Variants in STEAP2 observed in about 807,000 individuals in gnomAD.
STEAP2 encodes metalloreductase STEAP2.
Under a neutral mutation model 46.4 loss-of-function variants are expected in STEAP2, and 30 were observed. The ratio of observed to expected loss-of-function variants is 0.65; its 90% CI spans 0.48 to 0.88. The LOEUF (loss-of-function observed/expected upper bound fraction) is 0.88. STEAP2 is among the 40% of genes least tolerant of loss of function. STEAP2 has a pLI of 0.00. For missense variants in STEAP2, 513 were observed against 579.3 expected, an observed-to-expected ratio of 0.89 and a Z score of 1.18; for synonymous variants, 180 against 200.5, an observed-to-expected ratio of 0.90 and a Z score of 0.86.
At chr7:90,232,256 T>C in intron 5 of STEAP2, 81 bp from the exon 6 acceptor site, 6 of 1,394,624 alleles carry the variant, frequency 4.3e-6, no homozygotes, top group Non-Finnish European at 5.6e-6. Context: ...ATAAACATGG[T>C]GTATCTTGAT....
chr7:90,224,900 T>G, intron 2 of STEAP2, 150 bp from the exon 3 acceptor site: 1 of 625,828 alleles, frequency 1.6e-6, no homozygotes. Flanking sequence ...TAGTGATCCT[T>G]TTTTAGCTTA....
At chr7:90,230,811 A>G (rs1376534915) in intron 5 of STEAP2, among the ~76,000 whole-genome samples, 1 of 151,496 alleles carries the variant, frequency 6.6e-6, no homozygotes, top group African/African-American at 2.4e-5. Context: ...TTGGTGGTAC[A>G]CTTAAGTTTT....
chr7:90,239,824 C>T (rs958633218), downstream of STEAP2, among the ~76,000 whole-genome samples: 2 of 152,140 alleles, frequency 1.3e-5, no homozygotes, highest in African/African-American at 2.4e-5. Flanking sequence ...GAATGGTTGT[C>T]TTCAGGGGTG....
At chr7:90,219,090 T>C (rs975844590) in intron 2 of STEAP2, among the ~76,000 whole-genome samples, 6 of 152,152 alleles carry the variant, frequency 3.9e-5, no homozygotes, top group Admixed American at 3.9e-4. Flanking sequence ...GCAAGTTCAT[T>C]GTTGGTGTAT....
In STEAP2 at chr7:90,233,253, T is replaced by G. The variant is rs1562815275; in HGVS notation, c.*629T>G. On this transcript the variant is annotated 3_prime_UTR_variant, in exon 6 of 6. Coordinates refer to ENST00000394621, the MANE Select transcript of STEAP2 (RefSeq NM_001244944.2). ...TTATATTTAAAATATATTTGAGACA[T>G]GAAATACATACTGATAATACATACC... 4.2e-6 allele frequency: 4 copies of G among 941,708 alleles called. No homozygotes were observed. Among genetic ancestry groups the G allele is most frequent in the African/African-American group, 1.8e-5 (1 of 56,246 alleles). The allele number at this position is 941,708 out of a possible 1,614,324, so 58.3% of individuals were successfully genotyped here.
chr7:90,219,823 G>A (rs1447460338), intron 2 of STEAP2, among the ~76,000 whole-genome samples: 1 of 152,138 alleles, frequency 6.6e-6, no homozygotes, highest in Non-Finnish European at 1.5e-5. Flanking sequence ...CAACTTCTGG[G>A]CTCAGGTGAT....
chr7:90,227,858 G>A (rs990360281), intron 4 of STEAP2, among the ~76,000 whole-genome samples: 1 of 152,068 alleles, frequency 6.6e-6, no homozygotes, highest in Non-Finnish European at 1.5e-5. Flanking sequence ...GCAATTCTCA[G>A]TAAATATATA....
At chr7:90,228,906 C>T (rs1795618691) in intron 4 of STEAP2, among the ~76,000 whole-genome samples, 1 of 152,104 alleles carries the variant, frequency 6.6e-6, no homozygotes, top group Admixed American at 6.5e-5. Context: ...AACTCTGTGG[C>T]CTCTTTCAAG....
In STEAP2 at chr7:90,234,701, C is replaced by T. The variant is rs1483508932; in HGVS notation, c.*2077C>T. On this transcript the variant is annotated 3_prime_UTR_variant, in exon 6 of 6. Transcript: ENST00000394621. ...GAGTAGCTGGGACTACAGGTGCCCGCCACCATGCCCGGCTGATTTCTTTTT... is the reference window on the plus strand; with the variant it reads ...GAGTAGCTGGGACTACAGGTGCCCGTCACCATGCCCGGCTGATTTCTTTTT... 6.7e-6 allele frequency: 3 copies of T among 449,914 alleles called. No homozygotes were observed. The highest frequency in any genetic ancestry group is 8.8e-6 in the Non-Finnish European group (3 of 341,066). 27.9% of individuals were successfully genotyped at this position (449,914 alleles called of 1,614,324 possible). A position where few individuals can be genotyped will look rare whatever the true frequency, so the allele number is the denominator to read the frequency against.
At chr7:90,239,932 T>C (rs1796041769), downstream of STEAP2, among the ~76,000 whole-genome samples, 1 of 152,208 alleles carries the variant, frequency 6.6e-6, no homozygotes, top group African/African-American at 2.4e-5. Flanking sequence ...TTGTTTTGTT[T>C]TTAGGCTTTG....
At position 90,225,353 on chromosome 7, in the gene STEAP2, G is replaced by T; in HGVS notation, c.271G>T (p.Val91Phe). 1 of 1,613,900 alleles carries T rather than the reference G, an allele frequency of 6.2e-7. No individual in the cohort carries two copies. Among genetic ancestry groups the T allele is most frequent in the Non-Finnish European group, 8.5e-7 (1 of 1,179,928 alleles). The change falls in exon 3 of 6, where the codon GTT becomes TTT. Residue 91 changes from valine to phenylalanine, a missense_variant. Physicochemically the swap from Val to Phe is conservative, Grantham distance 50 (BLOSUM62 -1). Transcript: ENST00000394621. The stretch of plus-strand genomic sequence containing the variant: ...TCTCACAAAAACAAATATAATATTT[G>T]TTGCTATACACAGAGAACATTATAC... ...DALTKTNIIFVAIHREHYTSL... is the reference protein window; with the variant it reads ...DALTKTNIIFFAIHREHYTSL...
chr7:90,213,050 GCAAAA>G (rs538260452), intron 1 of STEAP2, among the ~76,000 whole-genome samples: 9 of 152,086 alleles, frequency 5.9e-5, no homozygotes, highest in Non-Finnish European at 8.8e-5. Flanking sequence ...TAATGGAAAA[GCAAAA>G]CAAAACAAAA....
At chr7:90,238,591 T>G (rs1796021088), downstream of STEAP2, among the ~76,000 whole-genome samples, 1 of 152,220 alleles carries the variant, frequency 6.6e-6, no homozygotes, top group Non-Finnish European at 1.5e-5. Flanking sequence ...TGCAAAGCTA[T>G]GACAAGCTCA....
chr7:90,232,253 T>C, intron 5 of STEAP2, 84 bp from the exon 6 acceptor site: 3 of 1,375,026 alleles, frequency 2.2e-6, no homozygotes, highest in Non-Finnish European at 2.8e-6. Context: ...AATATAAACA[T>C]GGTGTATCTT....
rs1795926761 is a variant in STEAP2 at position 90,235,384 on chromosome 7, T to G, written c.*2760T>G. 6.2e-6 allele frequency: 6 copies of G among 967,660 alleles called. No individual in the cohort carries two copies. The highest frequency in any genetic ancestry group is 7.4e-6 in the Non-Finnish European group (6 of 813,654). The allele number at this position is 967,660 out of a possible 1,614,324, so 59.9% of individuals were successfully genotyped here. On this transcript the variant is annotated 3_prime_UTR_variant, in exon 6 of 6. Coordinates refer to ENST00000394621, the MANE Select transcript of STEAP2 (RefSeq NM_001244944.2). ...TGCAAAACTATGATGTTTAGTTGCT[T>G]TATTTTACCTCTATGTGATTATTTT...
At chr7:90,239,726 T>G (rs1796038679), downstream of STEAP2, among the ~76,000 whole-genome samples, 1 of 152,244 alleles carries the variant, frequency 6.6e-6, no homozygotes, top group Non-Finnish European at 1.5e-5. Context: ...TCAATTTGTT[T>G]ACTTTTCCAC....
chr7:90,226,624 C>T (rs1338653018), intron 3 of STEAP2, among the ~76,000 whole-genome samples: 5 of 152,000 alleles, frequency 3.3e-5, no homozygotes, highest in African/African-American at 1.2e-4. Context: ...TCTATGTGGT[C>T]TATTTTAGAG....
rs28945132 is a variant in STEAP2 at position 90,225,335 on chromosome 7, A to G, written c.253A>G (p.Lys85Glu). 40 of 1,613,966 alleles carry G rather than the reference A, an allele frequency of 2.5e-5. No individual in the cohort carries two copies. In the East Asian group the frequency reaches 8.7e-4, roughly 35 times the overall value. Residue 85 changes from lysine (K) to glutamate (E), a missense_variant, in exon 3 of 6, where the codon AAA (lysine) becomes GAA (glutamate). Transcript: ENST00000394621. ...DVTHHEDALTKTNIIFVAIHR... is the reference protein window; with the variant it reads ...DVTHHEDALTETNIIFVAIHR... ...CACTCATCATGAAGATGCTCTCACA[A>G]AAACAAATATAATATTTGTTGCTAT...
At position 90,232,718 on chromosome 7, in the gene STEAP2, T is replaced by C. The variant is rs1329002590; in HGVS notation, c.*94T>C. 1 of 1,409,580 alleles carries C rather than the reference T, an allele frequency of 7.1e-7. No homozygotes were observed. Among genetic ancestry groups the C allele is most frequent in the Non-Finnish European group, 9.3e-7 (1 of 1,079,102 alleles). The allele number at this position is 1,409,580 out of a possible 1,614,324, so 87.3% of individuals were successfully genotyped here. A position where few individuals can be genotyped will look rare whatever the true frequency, so the allele number is the denominator to read the frequency against. ...CAGTTACAAGTATGCTGTCAAATTA[T>C]CGTGGGTTGAAACTTGTTAAATGAG... is the stretch of plus-strand genomic sequence containing the variant. On this transcript the variant is annotated 3_prime_UTR_variant, in exon 6 of 6. Transcript: ENST00000394621.
Sources: gnomAD v4.1 joint callset for allele counts (sites outside exome capture counted in the v4.1 genomes callset) on GRCh38, gnomAD v4.1.1 for gene constraint, MANE v1.5 for transcripts, NCBI Gene and HGNC (gene_info 2026-07-23, HGNC 2026-07-21) for gene names.